Variants in SETD2 observed in about 807,000 individuals in gnomAD.
SETD2 encodes histone-lysine N-methyltransferase SETD2.
In SETD2, 31 loss-of-function variants were observed where a neutral mutation model predicts 242.1. The observed-to-expected ratio is 0.13, with a 90% CI of 0.10 to 0.17. The LOEUF is 0.17. Among genes scored for constraint, SETD2 ranks in the 10% least tolerant of loss-of-function variants. The pLI, the probability that SETD2 is intolerant of heterozygous loss-of-function variation, is 1.00. For missense variants in SETD2, 2,481 were observed against 3,046.3 expected, an observed-to-expected ratio of 0.81 and a Z score of 4.37; for synonymous variants, 1,006 against 1,066.5, an observed-to-expected ratio of 0.94 and a Z score of 1.11.
intron 18 of SETD2, among the ~76,000 whole-genome samples, chr3:47,024,494 A>G (rs2038381373): frequency 6.6e-6 from 1 of 151,046 alleles, no homozygotes. Context: ...AAACAAACAA[A>G]CAAACAAATT....
intron 1 of SETD2, among the ~76,000 whole-genome samples, chr3:47,142,895 C>T (rs971021706): frequency 1.3e-5 from 2 of 152,132 alleles, no homozygotes; most frequent in Non-Finnish European, 2.9e-5. Flanking sequence ...TCTTGAACTC[C>T]TGACCTCAGG....
chr3:47,098,116 T>C (rs2107675124), intron 8 of SETD2, 35 bp from the exon 9 acceptor site: 1 of 1,611,902 alleles, frequency 6.2e-7, no homozygotes, highest in Non-Finnish European at 8.5e-7. Flanking sequence ...GTCAGCTATG[T>C]GGAAGTAAAC....
chr3:47,023,124 G>A (rs2038305503), intron 18 of SETD2, among the ~76,000 whole-genome samples: 1 of 152,170 alleles, frequency 6.6e-6, no homozygotes, highest in South Asian at 2.1e-4. Flanking sequence ...TAGAGGGCTG[G>A]GCACGGTGGC....
chr3:47,161,541 T>TAC (rs1220911089), intron 1 of SETD2, among the ~76,000 whole-genome samples: 1 of 151,988 alleles, frequency 6.6e-6, no homozygotes, highest in African/African-American at 2.4e-5. Flanking sequence ...TCAGGATACC[T>TAC]ACCATGATCC....
intron 3 of SETD2, among the ~76,000 whole-genome samples, chr3:47,117,965 C>CT (rs1344148902): frequency 1.3e-5 from 2 of 152,248 alleles, no homozygotes; most frequent in Non-Finnish European, 2.9e-5. Context: ...ATAACTCACT[C>CT]TTTGACTATC....
Position 47,106,003 on chromosome 3 carries a change from A to C in SETD2, c.4833T>G (p.Asn1611Lys). The change falls in exon 6 of 21, where the codon AAT (asparagine) becomes AAG (lysine). Residue 1611 changes from asparagine to lysine, a missense_variant. Asn to Lys is a moderately conservative substitution (Grantham distance 94). Coordinates refer to ENST00000409792, the MANE Select transcript of SETD2 (RefSeq NM_014159.7). ...ACATATCCAAGCTGCTTACCTCATCATTCTTCAGGGCCATGAAATAGTAAT... is the reference window on the plus strand; with the variant it reads ...ACATATCCAAGCTGCTTACCTCATCCTTCTTCAGGGCCATGAAATAGTAAT... ...NIHYYFMALK[N>K]DEIIDATQKG... 2 of 1,613,200 alleles carry C rather than the reference A, an allele frequency of 1.2e-6. No homozygotes were observed. The highest frequency in any genetic ancestry group is 1.3e-5 in the African/African-American group (1 of 74,878).
intron 18 of SETD2, among the ~76,000 whole-genome samples, chr3:47,026,229 G>T (rs1411697271): frequency 2.0e-5 from 3 of 152,172 alleles, no homozygotes; most frequent in Non-Finnish European, 4.4e-5. Context: ...GGTCATTAGA[G>T]AAATGCAAAT....
rs2043245846 is a variant in SETD2 at position 47,124,473 on chromosome 3, A to G, written c.163T>C (p.Leu55=). 6.4e-7 allele frequency: 1 copy of G among 1,551,794 alleles called. No individual in the cohort carries two copies. Among genetic ancestry groups the G allele is most frequent in the Non-Finnish European group, 8.7e-7 (1 of 1,147,010 alleles). The change falls in exon 3 of 21, where the codon TTG becomes CTG. Residue 55 remains leucine, a synonymous_variant. Coordinates refer to ENST00000409792, the MANE Select transcript of SETD2 (RefSeq NM_014159.7). ...MFKGVASSRF[L]PKGTKTKVNL... Reference sequence around the variant, plus strand: ...ACTTTTGTTTTGGTGCCTTTGGGCAAAAATCGACTAGAAGCAACACCTTTG... The same window carrying G: ...ACTTTTGTTTTGGTGCCTTTGGGCAGAAATCGACTAGAAGCAACACCTTTG...
chr3:47,150,224 G>C (rs1368396086), intron 1 of SETD2, among the ~76,000 whole-genome samples: 1 of 151,736 alleles, frequency 6.6e-6, no homozygotes, highest in Admixed American at 6.6e-5. Flanking sequence ...TATTTTAGTA[G>C]AGATGGGGTT....
intron 11 of SETD2, among the ~76,000 whole-genome samples, chr3:47,085,024 G>T (rs2041493404): frequency 6.6e-6 from 1 of 151,922 alleles, no homozygotes; most frequent in African/African-American, 2.4e-5. Context: ...GAGCCACAGC[G>T]CCTGGCCTAC....
At chr3:47,126,153 CT>C (rs1161288551) in intron 2 of SETD2, among the ~76,000 whole-genome samples, 1 of 152,168 alleles carries the variant, frequency 6.6e-6, no homozygotes, top group African/African-American at 2.4e-5. Context: ...CCTCAGTCTC[CT>C]GAGTAGCTGG....
At chr3:47,093,705 G>A (rs1315682843) in intron 9 of SETD2, among the ~76,000 whole-genome samples, 2 of 152,076 alleles carry the variant, frequency 1.3e-5, no homozygotes, top group Non-Finnish European at 2.9e-5. Context: ...GGAACTGCTG[G>A]CTCATATGGT....
chr3:47,161,329 AG>A (rs1033660323), intron 1 of SETD2, among the ~76,000 whole-genome samples: 52 of 152,298 alleles, frequency 3.4e-4, no homozygotes, highest in African/African-American at 1.2e-3. Flanking sequence ...CCAAGTTCAG[AG>A]AGATGAAGTC....
chr3:47,089,440 C>T (rs2041704539), intron 9 of SETD2, among the ~76,000 whole-genome samples: 1 of 152,048 alleles, frequency 6.6e-6, no homozygotes, highest in South Asian at 2.1e-4. Flanking sequence ...CAGTGAAATC[C>T]TGTCTCAAAA....
At chr3:47,160,570 A>G (rs1697461034) in intron 1 of SETD2, among the ~76,000 whole-genome samples, 1 of 152,028 alleles carries the variant, frequency 6.6e-6, no homozygotes, top group Non-Finnish European at 1.5e-5. Flanking sequence ...TCGGCCTCCA[A>G]AAGTGCTGGG....
chr3:47,040,214 G>A (rs916764892), intron 17 of SETD2, among the ~76,000 whole-genome samples: 1 of 152,180 alleles, frequency 6.6e-6, no homozygotes. Flanking sequence ...CCTGAAATCA[G>A]GTGATCTGCC....
chr3:47,107,721 GGGGGGGGGT>G (rs1361548826), intron 5 of SETD2, among the ~76,000 whole-genome samples: 52 of 988 alleles, frequency 0.053, 1 homozygote, highest in Non-Finnish European at 0.096. Flanking sequence ...TTTGGGTGGC[GGGGGGGGGT>G]GGGGGGGGGG....
At chr3:47,054,445 G>A (rs2039971988) in intron 15 of SETD2, among the ~76,000 whole-genome samples, 2 of 152,098 alleles carry the variant, frequency 1.3e-5, no homozygotes, top group Admixed American at 1.3e-4. Context: ...TAGGAATGGG[G>A]ATAGACATAA....
intron 1 of SETD2, among the ~76,000 whole-genome samples, chr3:47,133,672 G>T (rs1307062103): frequency 6.6e-6 from 1 of 152,296 alleles, no homozygotes. Context: ...GGCAGAGGTT[G>T]CAGTGAGCCA....
Sources: allele counts gnomAD v4.1 joint callset (sites outside exome capture counted in the v4.1 genomes callset), GRCh38; gene constraint gnomAD v4.1.1; transcripts MANE v1.5; gene names NCBI Gene and HGNC (gene_info 2026-07-23, HGNC 2026-07-21).